SMARCAD1: variants seen among roughly 807,000 people sequenced by gnomAD.
SMARCAD1 encodes the protein SNF2 related chromatin remodeling ATPase with DExD box 1.
Under a neutral mutation model 127.1 loss-of-function variants are expected in SMARCAD1, and 25 were observed. That is an observed-to-expected ratio of 0.20 (90% CI 0.14 to 0.27). The LOEUF is 0.27. SMARCAD1 is among the 10% of genes least tolerant of loss of function. The probability of loss-of-function intolerance (pLI) is 1.00; values close to 1 mark genes in which losing one functional copy is unlikely to be tolerated. For missense variants in SMARCAD1, 807 were observed against 1,206.0 expected (o/e 0.67, Z 4.90); for synonymous variants, 400 against 396.9 (o/e 1.01, Z -0.09).
At chr4:94,272,981 A>G (rs528862255) in intron 11 of SMARCAD1, among the ~76,000 whole-genome samples, 1 of 151,122 alleles carries the variant, frequency 6.6e-6, no homozygotes, top group Non-Finnish European at 1.5e-5. Context: ...CTAATTTTGT[A>G]TTTTTGTAGA....
In SMARCAD1 at chr4:94,289,972, GTTCT is replaced by G. The variant is rs1403264082; in HGVS notation, c.*441_*444del. ...CTTGTTTTTGCTTGTCTCATTTGAA[GTTCT>G]TTTTTATTATGTTAAAGAATGCAGC... On this transcript the variant is annotated 3_prime_UTR_variant, in exon 24 of 24. Coordinates refer to ENST00000354268, the MANE Select transcript of SMARCAD1 (RefSeq NM_020159.5). The G allele has an allele frequency of 8.8e-6, 4 of 454,006 alleles. No homozygotes were observed. Among genetic ancestry groups the G allele is most frequent in the Non-Finnish European group, 1.8e-5 (4 of 226,786 alleles). The allele number at this position is 454,006 out of a possible 1,614,324, so 28.1% of individuals were successfully genotyped here.
intron 2 of SMARCAD1, among the ~76,000 whole-genome samples, chr4:94,217,457 T>G (rs1743375558): frequency 6.6e-6 from 1 of 152,200 alleles, no homozygotes; most frequent in Non-Finnish European, 1.5e-5. Context: ...TTGTTGTTGT[T>G]TTCTCTTTGA....
chr4:94,238,406 T>A (rs114380615), intron 5 of SMARCAD1, among the ~76,000 whole-genome samples: 1,722 of 152,250 alleles, frequency 0.011, 34 homozygotes, highest in African/African-American at 0.039. Context: ...GTATACTACT[T>A]CTTATGGTGC....
intron 23 of SMARCAD1, among the ~76,000 whole-genome samples, chr4:94,287,996 A>G (rs1333222377): frequency 6.6e-6 from 1 of 151,900 alleles, no homozygotes; most frequent in Non-Finnish European, 1.5e-5. Flanking sequence ...ATTAAAATAT[A>G]TATATATTTT....
At chr4:94,260,680 G>A (rs1422591022) in intron 9 of SMARCAD1, among the ~76,000 whole-genome samples, 1 of 152,154 alleles carries the variant, frequency 6.6e-6, no homozygotes, top group East Asian at 1.9e-4. Context: ...TGTTGAGGAA[G>A]TATCTATAAA....
chr4:94,216,953 G>A (rs1221152465), intron 2 of SMARCAD1, among the ~76,000 whole-genome samples: 1 of 152,188 alleles, frequency 6.6e-6, no homozygotes, highest in East Asian at 1.9e-4. Context: ...CCCAGAAGTG[G>A]TATTGCTGGA....
chr4:94,247,879 T>G (rs1383114675), intron 6 of SMARCAD1, among the ~76,000 whole-genome samples: 1 of 152,218 alleles, frequency 6.6e-6, no homozygotes, highest in Non-Finnish European at 1.5e-5. Flanking sequence ...GGGGTACATG[T>G]GCAAGTTTGT....
chr4:94,228,966 G>A (rs1237789817), intron 3 of SMARCAD1, among the ~76,000 whole-genome samples: 1 of 152,070 alleles, frequency 6.6e-6, no homozygotes, highest in East Asian at 1.9e-4. Flanking sequence ...TTTAGGTTAA[G>A]TGGAAAGACT....
chr4:94,225,527 A>C (rs1744855686), intron 2 of SMARCAD1, among the ~76,000 whole-genome samples: 1 of 152,190 alleles, frequency 6.6e-6, no homozygotes, highest in South Asian at 2.1e-4. Context: ...TAGAGGCCTC[A>C]TCTCCAAATA....
chr4:94,260,468 T>G (rs1361203520), intron 9 of SMARCAD1, among the ~76,000 whole-genome samples: 1 of 152,034 alleles, frequency 6.6e-6, no homozygotes, highest in Non-Finnish European at 1.5e-5. Flanking sequence ...CTCAGCCTCC[T>G]GAATAGCTGG....
At chr4:94,222,606 C>T (rs1458174293) in intron 2 of SMARCAD1, among the ~76,000 whole-genome samples, 1 of 152,100 alleles carries the variant, frequency 6.6e-6, no homozygotes, top group Non-Finnish European at 1.5e-5. Flanking sequence ...GGAAGTAAGC[C>T]AAATTTTATT....
intron 5 of SMARCAD1, among the ~76,000 whole-genome samples, chr4:94,239,065 T>G (rs1202718349): frequency 2.0e-5 from 3 of 152,160 alleles, no homozygotes; most frequent in Non-Finnish European, 2.9e-5. Context: ...TACAAGGAAA[T>G]AAAAAATTAG....
intron 3 of SMARCAD1, among the ~76,000 whole-genome samples, chr4:94,229,075 A>G (rs1379004849): frequency 6.6e-6 from 1 of 151,984 alleles, no homozygotes. Flanking sequence ...TTGTCCCATT[A>G]TTGTTGAACT....
At chr4:94,240,728 C>G (rs1214778126) in intron 5 of SMARCAD1, among the ~76,000 whole-genome samples, 178 bp from the exon 6 acceptor site, 2 of 152,144 alleles carry the variant, frequency 1.3e-5, no homozygotes, top group Non-Finnish European at 2.9e-5. Context: ...TTCTGAAAGA[C>G]TGCAAAGAAT....
chr4:94,207,912 C>T lies in SMARCAD1; in HGVS notation c.-208C>T, dbSNP rs1179818369. ...CCGCCAGCACGGCCTCCGCCGCTCC[C>T]CTTCTTTGGCCCCTTTGTGTCCCCG... On this transcript the variant is annotated 5_prime_UTR_variant, in exon 1 of 24. Coordinates refer to ENST00000354268, the MANE Select transcript of SMARCAD1 (RefSeq NM_020159.5). The T allele has an allele frequency of 5.9e-6, 2 of 337,922 alleles. No homozygotes were observed. The highest frequency in any genetic ancestry group is 8.0e-5 in the East Asian group (1 of 12,510). The allele number at this position is 337,922 out of a possible 1,614,324, so 20.9% of individuals were successfully genotyped here.
At chr4:94,248,251 G>A (rs1334623688) in intron 6 of SMARCAD1, among the ~76,000 whole-genome samples, 1 of 152,152 alleles carries the variant, frequency 6.6e-6, no homozygotes, top group Admixed American at 6.5e-5. Context: ...ATGTTGTGGT[G>A]TGTATCAGTA....
intron 22 of SMARCAD1, 36 bp downstream of exon 22, chr4:94,283,339 G>A: frequency 6.3e-7 from 1 of 1,588,786 alleles, no homozygotes; most frequent in Non-Finnish European, 8.6e-7. Context: ...TTTTAATTCA[G>A]TGCCACTTTA....
chr4:94,256,919 C>T (rs1323771932), intron 9 of SMARCAD1, among the ~76,000 whole-genome samples: 2 of 152,062 alleles, frequency 1.3e-5, no homozygotes, highest in African/African-American at 4.8e-5. Context: ...GGATTCTGTC[C>T]TCAGGGCTGT....
chr4:94,243,679 A>G (rs1254216726), intron 6 of SMARCAD1, among the ~76,000 whole-genome samples: 1 of 152,214 alleles, frequency 6.6e-6, no homozygotes, highest in Admixed American at 6.5e-5. Context: ...TCCATGAGAA[A>G]TAGTAGGTGA....
Sources: allele counts gnomAD v4.1 joint callset (sites outside exome capture counted in the v4.1 genomes callset), GRCh38; gene constraint gnomAD v4.1.1; transcripts MANE v1.5; gene names NCBI Gene and HGNC (gene_info 2026-07-23, HGNC 2026-07-21).